DLC1: variants seen among roughly 807,000 people sequenced by gnomAD.
DLC1 encodes rho GTPase-activating protein 7.
A neutral mutation model predicts 140.3 loss-of-function variants in DLC1; 54 were observed. The observed-to-expected ratio is 0.38, with a 90% CI of 0.31 to 0.48. DLC1 has a LOEUF of 0.48. Ranked by LOEUF, DLC1 falls within the 20% of genes least tolerant of loss-of-function variation. The pLI, the probability that DLC1 is intolerant of heterozygous loss-of-function variation, is 0.96. For synonymous variants in DLC1, 986 were observed against 728.1 expected (o/e 1.35, Z -5.70); for missense variants, 2,536 against 1,907.0 (o/e 1.33, Z -6.14).
intron 1 of DLC1, among the ~76,000 whole-genome samples, chr8:13,570,173 T>C (rs1343013088): frequency 6.6e-6 from 1 of 152,200 alleles, no homozygotes; most frequent in East Asian, 1.9e-4. Context: ...CTGGCCCAAC[T>C]TTACCTTTCT....
At chr8:13,299,135 C>T (rs1035053783) in intron 5 of DLC1, among the ~76,000 whole-genome samples, 2 of 150,752 alleles carry the variant, frequency 1.3e-5, no homozygotes, top group African/African-American at 2.5e-5. Context: ...AAACTATTTT[C>T]ATTTACTTTG....
At chr8:13,368,959 G>A (rs1353921184) in intron 4 of DLC1, among the ~76,000 whole-genome samples, 4 of 152,156 alleles carry the variant, frequency 2.6e-5, no homozygotes, top group Non-Finnish European at 4.4e-5. Context: ...AAGTAGCTGA[G>A]ATTACAGGTG....
intron 5 of DLC1, among the ~76,000 whole-genome samples, chr8:13,139,780 C>T (rs1159551351): frequency 6.6e-6 from 1 of 152,150 alleles, no homozygotes; most frequent in Non-Finnish European, 1.5e-5. Flanking sequence ...TTCGTGTGTC[C>T]CCTGACTACA....
chr8:13,365,935 GC>G (rs1207106128), intron 4 of DLC1, among the ~76,000 whole-genome samples: 1 of 152,148 alleles, frequency 6.6e-6, no homozygotes, highest in East Asian at 1.9e-4. Context: ...CTGGAAAAAT[GC>G]TTTCATCTTC....
chr8:13,450,452 CAA>C (rs759911909), intron 2 of DLC1, among the ~76,000 whole-genome samples: 125 of 53,328 alleles, frequency 2.3e-3, no homozygotes, highest in African/African-American at 8.8e-3. Context: ...GAGACTGTCT[CAA>C]AAAAAAAAAA....
chr8:13,320,737 G>A (rs892884534), intron 4 of DLC1, among the ~76,000 whole-genome samples: 6 of 152,158 alleles, frequency 3.9e-5, no homozygotes, highest in Admixed American at 3.9e-4. Flanking sequence ...AACTTAGGCT[G>A]GTCATGGTGA....
At chr8:13,130,501 C>CA (rs35591979) in intron 5 of DLC1, among the ~76,000 whole-genome samples, 3 of 152,244 alleles carry the variant, frequency 2.0e-5, no homozygotes, top group Middle Eastern at 3.4e-3. Flanking sequence ...TACAGAACAA[C>CA]AAAAAAACAT....
rs1838868253 is a variant in DLC1 at position 13,431,511 on chromosome 8, A to AAAAAAAAAAAG, written c.1024-29893_1024-29892insCTTTTTTTTTT. 1.1e-4 allele frequency among the ~76,000 whole-genome samples: 15 copies of AAAAAAAAAAAG among 132,162 alleles called. No homozygotes were observed. The South Asian group carries it at 1.6e-3, about 14-fold the overall frequency. 86.7% of individuals were successfully genotyped at this position (132,162 alleles called of 152,430 possible). ...AAAAAAAAAAAAAAAAAAAAAAAAA[A>AAAAAAAAAAAG]AAAAGAAAAGAATCAAGCATTGATG... On this transcript the variant is annotated intron_variant, in intron 2 of 17. Transcript: ENST00000276297.
chr8:13,133,134 G>T, intron 5 of DLC1: 1 of 1,452,924 alleles, frequency 6.9e-7, no homozygotes. Context: ...CCTCGTCACG[G>T]CCCCAGAAAG....
chr8:13,303,255 G>T (rs1212942163), intron 5 of DLC1, among the ~76,000 whole-genome samples: 1 of 152,142 alleles, frequency 6.6e-6, no homozygotes, highest in African/African-American at 2.4e-5. Flanking sequence ...TCCATCCTGA[G>T]TTGCTAGGTA....
intron 2 of DLC1, among the ~76,000 whole-genome samples, chr8:13,456,239 T>A (rs289546): frequency 6.6e-6 from 1 of 151,924 alleles, no homozygotes; most frequent in East Asian, 1.9e-4. Flanking sequence ...CATTGCTGTA[T>A]GATTTCTCTG....
intron 10 of DLC1, among the ~76,000 whole-genome samples, chr8:13,096,451 A>C (rs1818505918): frequency 6.6e-6 from 1 of 152,182 alleles, no homozygotes; most frequent in African/African-American, 2.4e-5. Context: ...GGTAAAACGA[A>C]AGAGCAAAGT....
At chr8:13,151,184 ATGTTTACATGGG>A in intron 5 of DLC1, among the ~76,000 whole-genome samples, 1 of 152,304 alleles carries the variant, frequency 6.6e-6, no homozygotes, top group Admixed American at 6.5e-5. Flanking sequence ...AAAACATATG[ATGTTTACATGGG>A]AAGACTCAGC....
intron 1 of DLC1, among the ~76,000 whole-genome samples, chr8:13,541,887 T>C (rs188475806): frequency 6.6e-6 from 1 of 152,332 alleles, no homozygotes; most frequent in Non-Finnish European, 1.5e-5. Flanking sequence ...TGGTGTAGTG[T>C]CAATCAAATA....
intron 1 of DLC1, among the ~76,000 whole-genome samples, chr8:13,547,742 T>C (rs987233499): frequency 6.6e-6 from 1 of 152,190 alleles, no homozygotes; most frequent in East Asian, 1.9e-4. Flanking sequence ...CACTCATCTA[T>C]CAATCCCTAA....
chr8:13,275,980 T>G (rs1229333518), intron 5 of DLC1, among the ~76,000 whole-genome samples: 1 of 152,188 alleles, frequency 6.6e-6, no homozygotes, highest in East Asian at 1.9e-4. Context: ...GCTTCTCTTT[T>G]GAAGGTTAAA....
intron 1 of DLC1, among the ~76,000 whole-genome samples, chr8:13,594,905 T>C (rs774080287): frequency 2.6e-5 from 4 of 152,016 alleles, no homozygotes; most frequent in African/African-American, 9.7e-5. Flanking sequence ...CTTTCAGGTT[T>C]TGGAGATTGT....
At position 13,110,735 on chromosome 8, in the gene DLC1, C is replaced by A. The variant is rs1313016041; in HGVS notation, c.1502+7G>T. 6.2e-7 allele frequency: 1 copy of A among 1,612,768 alleles called. No individual in the cohort carries two copies. The highest frequency in any genetic ancestry group is 1.3e-5 in the African/African-American group (1 of 74,988). On this transcript the variant is annotated splice_region_variant and intron_variant, in intron 7 of 17. Transcript: ENST00000276297. ...AAAAGGAAAACACTCAAAACGTGTC[C>A]ATTTACCTGCATAGAGCCTCAATGG...
In DLC1 at chr8:13,401,043, G is replaced by GCATC. The variant is rs200604074; in HGVS notation, c.1173+423_1173+426dup. On this transcript the variant is annotated intron_variant, in intron 3 of 17. Transcript: ENST00000276297. ...GTAGTGTGTTGGGTTAGTTCAACTGGCATCCATCCATCCATCCATTTACTC... is the reference window on the plus strand; with the variant it reads ...GTAGTGTGTTGGGTTAGTTCAACTGGCATCCATCCATCCATCCATCCATTTACTC... 1.5e-4 allele frequency among the ~76,000 whole-genome samples: 23 copies of GCATC among 152,178 alleles called. No homozygotes were observed. In the East Asian group the frequency reaches 4.3e-3, roughly 28 times the overall value.
Sources: gnomAD v4.1 joint callset for allele counts (sites outside exome capture counted in the v4.1 genomes callset) on GRCh38, gnomAD v4.1.1 for gene constraint, MANE v1.5 for transcripts, NCBI Gene and HGNC (gene_info 2026-07-23, HGNC 2026-07-21) for gene names.